ZNF536: variants seen among roughly 807,000 people sequenced by gnomAD.
The protein encoded by ZNF536 is zinc finger protein 536.
A neutral mutation model predicts 84.5 loss-of-function variants in ZNF536; 13 were observed. The observed-to-expected ratio is 0.15, with a 90% CI of 0.10 to 0.24. ZNF536 has a LOEUF of 0.24. Ranked by LOEUF, ZNF536 falls within the 10% of genes least tolerant of loss-of-function variation. ZNF536 has a pLI of 1.00. For synonymous variants in ZNF536, 811 were observed against 742.5 expected, an observed-to-expected ratio of 1.09 and a Z score of -1.50; for missense variants, 1,536 against 1,747.5, an observed-to-expected ratio of 0.88 and a Z score of 2.16.
Position 30,474,045 on chromosome 19 carries a change from A to G in ZNF536, c.2170+28313A>G, listed in dbSNP as rs1218195009. On this transcript the variant is annotated intron_variant, in intron 2 of 4. Coordinates refer to ENST00000355537, the MANE Select transcript of ZNF536 (RefSeq NM_014717.3). ...CTGCTCAGTGAATATTTGTTCCGAC[A>G]TGGATGAAGGAAGTGAGACTTTTGT... 2.6e-5 allele frequency among the ~76,000 whole-genome samples: 4 copies of G among 152,230 alleles called. No individual in the cohort carries two copies. The East Asian group carries it at 5.8e-4, about 22-fold the overall frequency.
At chr19:30,393,316 T>C (rs2049678112) in intron 1 of ZNF536, among the ~76,000 whole-genome samples, 1 of 152,228 alleles carries the variant, frequency 6.6e-6, no homozygotes, top group Non-Finnish European at 1.5e-5. Flanking sequence ...AAGAAGCACA[T>C]GCAAAGCCAT....
intron 2 of ZNF536, among the ~76,000 whole-genome samples, chr19:30,334,125 T>C (rs2047303973): frequency 6.6e-6 from 1 of 152,172 alleles, no homozygotes; most frequent in Non-Finnish European, 1.5e-5. Flanking sequence ...CACTGGAGCA[T>C]GGTAGCAAAA....
At chr19:30,254,741 T>A (rs1458828699) in intron 1 of ZNF536, among the ~76,000 whole-genome samples, 1 of 152,190 alleles carries the variant, frequency 6.6e-6, no homozygotes, top group Non-Finnish European at 1.5e-5. Context: ...GTGGTTTCAC[T>A]TTAGTGAAAT....
chr19:30,443,493 C>CAATG (rs550552339), intron 1 of ZNF536, 68 bp from the exon 2 acceptor site: 22,269 of 1,492,832 alleles, frequency 0.015, 213 homozygotes, highest in Middle Eastern at 0.031. Flanking sequence ...TCCCTGCCCG[C>CAATG]CAATGCTGTT....
At chr19:30,297,739 A>C (rs1011532943) in intron 2 of ZNF536, among the ~76,000 whole-genome samples, 30 of 152,206 alleles carry the variant, frequency 2.0e-4, no homozygotes, top group African/African-American at 7.0e-4. Context: ...TCAAGACTAA[A>C]TGAACATCCC....
chr19:30,467,940 G>A lies in ZNF536; in HGVS notation c.2170+22208G>A, dbSNP rs543919166. Among the ~76,000 whole-genome samples the A allele has an allele frequency of 1.2e-3, 181 of 152,360 alleles. 3 individuals are homozygous for A. The highest frequency in any genetic ancestry group is 4.0e-3 in the African/African-American group (168 of 41,594). ...GTGCCACAGCCCTGGCCGCACAGCG[G>A]CCTGTGTGAGCCCAGTGCTCTGCCA... On this transcript the variant is annotated intron_variant, in intron 2 of 4. Transcript: ENST00000355537.
intron 1 of ZNF536, among the ~76,000 whole-genome samples, chr19:30,245,983 C>T (rs191303771): frequency 3.9e-5 from 6 of 152,184 alleles, no homozygotes; most frequent in East Asian, 1.9e-4. Flanking sequence ...AGTTGTTAGT[C>T]GCTCTGTGTT....
At chr19:30,365,778 C>CT (rs2048409534) in intron 3 of ZNF536, among the ~76,000 whole-genome samples, 1 of 152,166 alleles carries the variant, frequency 6.6e-6, no homozygotes, top group South Asian at 2.1e-4. Flanking sequence ...TGCTTGTGGA[C>CT]TTTAATAGTT....
intron 1 of ZNF536, among the ~76,000 whole-genome samples, chr19:30,613,102 T>C (rs927139169): frequency 2.0e-5 from 3 of 152,244 alleles, no homozygotes; most frequent in Admixed American, 2.0e-4. Context: ...ATGGGACTGA[T>C]GTCACGTCCT....
At chr19:30,407,870 G>A (rs1045495730) in intron 1 of ZNF536, among the ~76,000 whole-genome samples, 2 of 152,154 alleles carry the variant, frequency 1.3e-5, no homozygotes, top group Non-Finnish European at 2.9e-5. Context: ...AATACAGATG[G>A]TTTCCAATTT....
At chr19:30,374,689 T>G (rs2048740073) in intron 1 of ZNF536, among the ~76,000 whole-genome samples, 1 of 6,050 alleles carries the variant, frequency 1.7e-4, no homozygotes, top group Non-Finnish European at 7.7e-4. Flanking sequence ...AACTGAGTGT[T>G]GTTTTTTTTT....
At chr19:30,594,651 A>G (rs2047391352) in intron 1 of ZNF536, among the ~76,000 whole-genome samples, 1 of 152,024 alleles carries the variant, frequency 6.6e-6, no homozygotes, top group Non-Finnish European at 1.5e-5. Context: ...GGCAGGGGGC[A>G]CACCAGGGCA....
At position 30,230,621 on chromosome 19, in the gene ZNF536, C is replaced by T. The variant is rs548371106; in HGVS notation, c.-190+1948C>T. Among the ~76,000 whole-genome samples, 7 of 152,254 alleles carry T rather than the reference C, an allele frequency of 4.6e-5. No homozygotes were observed. The East Asian group carries it at 5.8e-4, about 13-fold the overall frequency. On this transcript the variant is annotated intron_variant, in intron 1 of 5. Transcript: ENST00000585628. ...GGACAGAGAGGCAGCTAGAAGGTGC[C>T]GCCCGACTTCCCACAGTTGCCCATA...
intron 2 of ZNF536, among the ~76,000 whole-genome samples, chr19:30,350,142 CTTG>C (rs1434731146): frequency 6.6e-6 from 1 of 152,130 alleles, no homozygotes; most frequent in Non-Finnish European, 1.5e-5. Context: ...TTGACCTAGA[CTTG>C]TTATAAAAGT....
chr19:30,241,208 T>C (rs995694074), intron 1 of ZNF536, among the ~76,000 whole-genome samples: 3 of 152,116 alleles, frequency 2.0e-5, no homozygotes, highest in African/African-American at 4.8e-5. Context: ...GTCCAAGCTC[T>C]TCAGGAGGCT....
At chr19:30,641,467 GTTA>G (rs2049264359) in intron 1 of ZNF536, among the ~76,000 whole-genome samples, 1 of 152,074 alleles carries the variant, frequency 6.6e-6, no homozygotes, top group Non-Finnish European at 1.5e-5. Flanking sequence ...TTTTTCTCAT[GTTA>G]TTAAAACGTA....
In ZNF536 at chr19:30,443,790, C is replaced by T. The variant is rs2148153570; in HGVS notation, c.228C>T (p.Pro76=). The change falls in exon 2 of 5, where the codon CCC becomes CCT. Residue 76 remains proline, a synonymous_variant. Coordinates refer to ENST00000355537, the MANE Select transcript of ZNF536 (RefSeq NM_014717.3). ...EKAHVPMSGQ[P]MGSQMALLAN... ...CCCACGTGCCCATGAGCGGCCAGCC[C>T]ATGGGCAGTCAGATGGCGCTCCTGG... 1 of 1,613,254 alleles carries T rather than the reference C, an allele frequency of 6.2e-7. No individual in the cohort carries two copies. The highest frequency in any genetic ancestry group is 1.1e-5 in the South Asian group (1 of 91,056).
At chr19:30,618,418 T>C (rs2048374672) in intron 1 of ZNF536, among the ~76,000 whole-genome samples, 1 of 152,226 alleles carries the variant, frequency 6.6e-6, no homozygotes, top group South Asian at 2.1e-4. Context: ...TATTTTGTTT[T>C]CCTTTCATCA....
At chr19:30,626,226 G>A (rs1156648211) in intron 1 of ZNF536, among the ~76,000 whole-genome samples, 1 of 152,186 alleles carries the variant, frequency 6.6e-6, no homozygotes, top group Admixed American at 6.5e-5. Context: ...CCTATGAGGG[G>A]ATAAATCCCA....
Sources: allele counts gnomAD v4.1 joint callset (sites outside exome capture counted in the v4.1 genomes callset), GRCh38; gene constraint gnomAD v4.1.1; transcripts MANE v1.5; gene names NCBI Gene and HGNC (gene_info 2026-07-23, HGNC 2026-07-21).